The following OPCML variants were observed in gnomAD, a reference collection of about 807,000 sequenced individuals.
OPCML encodes opioid binding protein/cell adhesion molecule like.
A neutral mutation model predicts 37.8 loss-of-function variants in OPCML; 13 were observed. The ratio of observed to expected loss-of-function variants is 0.34; its 90% CI spans 0.22 to 0.55. OPCML has a LOEUF of 0.55. OPCML is among the 20% of genes least tolerant of loss of function. OPCML has a pLI of 0.91. For missense variants in OPCML, 341 were observed against 435.6 expected (o/e 0.78, Z 1.93); for synonymous variants, 176 against 168.8 (o/e 1.04, Z -0.33).
At chr11:133,105,278 TA>T (rs1276024157) in intron 1 of OPCML, among the ~76,000 whole-genome samples, 2 of 152,206 alleles carry the variant, frequency 1.3e-5, no homozygotes, top group Admixed American at 1.3e-4. Flanking sequence ...TCAAGGCAGA[TA>T]AAGTCTTATT....
chr11:132,542,644 C>T (rs987262989), intron 3 of OPCML, among the ~76,000 whole-genome samples: 2 of 152,184 alleles, frequency 1.3e-5, no homozygotes, highest in Non-Finnish European at 2.9e-5. Flanking sequence ...TCACCCCCCA[C>T]ACCCAGAGCT....
At chr11:133,351,996 GC>G (rs1944150248) in intron 1 of OPCML, among the ~76,000 whole-genome samples, 1 of 151,966 alleles carries the variant, frequency 6.6e-6, no homozygotes, top group African/African-American at 2.4e-5. Flanking sequence ...TTTCATTGCT[GC>G]CCCCACAGGT....
intron 1 of OPCML, among the ~76,000 whole-genome samples, chr11:133,304,605 T>C (rs1942865037): frequency 6.6e-6 from 1 of 152,170 alleles, no homozygotes; most frequent in Non-Finnish European, 1.5e-5. Context: ...CACGAGCCCC[T>C]GCTCCCATAC....
intron 3 of OPCML, among the ~76,000 whole-genome samples, chr11:132,609,797 C>A (rs1324650829): frequency 2.0e-5 from 3 of 152,212 alleles, no homozygotes; most frequent in Admixed American, 6.5e-5. Flanking sequence ...ATTTCACCTA[C>A]CTACCTCTCT....
chr11:132,660,454 A>T (rs773551301), intron 2 of OPCML, among the ~76,000 whole-genome samples: 2 of 152,212 alleles, frequency 1.3e-5, no homozygotes, highest in Non-Finnish European at 2.9e-5. Context: ...GGGGTTTATA[A>T]CATGGCATCA....
At chr11:133,372,790 G>A (rs1465530671) in intron 1 of OPCML, among the ~76,000 whole-genome samples, 1 of 152,162 alleles carries the variant, frequency 6.6e-6, no homozygotes, top group Non-Finnish European at 1.5e-5. Context: ...GTAGCAAGGA[G>A]CCCTTCTGAC....
rs182425062 is a variant in OPCML, at chr11:132,537,021, C to T, written c.380-7835G>A. Among the ~76,000 whole-genome samples the T allele has an allele frequency of 9.9e-3, 1,500 of 152,282 alleles. 10 individuals carry two copies. Among genetic ancestry groups the T allele is most frequent in the Non-Finnish European group, 0.014 (940 of 68,028 alleles). On this transcript the variant is annotated intron_variant, in intron 3 of 7. Coordinates refer to ENST00000524381, the MANE Select transcript of OPCML (RefSeq NM_001012393.5). ...TGTAAATCCCCAGGTCTGTTCTGGT[C>T]TAAAACCCTGGGAGCCGATGGTCTT...
intron 3 of OPCML, among the ~76,000 whole-genome samples, chr11:132,532,580 T>C (rs1312722125): frequency 6.6e-6 from 1 of 152,116 alleles, no homozygotes; most frequent in Non-Finnish European, 1.5e-5. Context: ...TGAGAGCTCA[T>C]CTCACTGCAT....
At chr11:133,191,062 GA>G (rs1262013781) in intron 1 of OPCML, among the ~76,000 whole-genome samples, 1 of 151,962 alleles carries the variant, frequency 6.6e-6, no homozygotes, top group Non-Finnish European at 1.5e-5. Context: ...GGAACTGACA[GA>G]CTTTTTTTGA....
chr11:132,778,126 C>T (rs80131013), intron 2 of OPCML, among the ~76,000 whole-genome samples: 2,689 of 152,302 alleles, frequency 0.018, 32 homozygotes, highest in Middle Eastern at 0.044. Flanking sequence ...ATTAGATAAA[C>T]GAGGGAGCAA....
intron 3 of OPCML, among the ~76,000 whole-genome samples, chr11:132,568,093 A>C (rs2096428616): frequency 6.6e-6 from 1 of 152,060 alleles, no homozygotes; most frequent in Admixed American, 6.6e-5. Context: ...GTGAAAAAAA[A>C]AACTTTCCTA....
chr11:132,649,521 G>A (rs1941322830), intron 3 of OPCML, among the ~76,000 whole-genome samples: 1 of 152,128 alleles, frequency 6.6e-6, no homozygotes, highest in South Asian at 2.1e-4. Context: ...GCAGAAGGTG[G>A]TGTGGGGACA....
chr11:132,671,892 G>T (rs1942491972), intron 2 of OPCML, among the ~76,000 whole-genome samples: 1 of 152,122 alleles, frequency 6.6e-6, no homozygotes, highest in Non-Finnish European at 1.5e-5. Flanking sequence ...TGCATATGTA[G>T]AAAATGTATA....
chr11:132,899,598 A>C (rs1943975438), intron 2 of OPCML, among the ~76,000 whole-genome samples: 1 of 152,132 alleles, frequency 6.6e-6, no homozygotes, highest in Non-Finnish European at 1.5e-5. Context: ...CAAGTTGACA[A>C]AGGTGGACCT....
chr11:133,071,837 C>T (rs2137011137), intron 1 of OPCML, among the ~76,000 whole-genome samples: 1 of 152,296 alleles, frequency 6.6e-6, no homozygotes, highest in Non-Finnish European at 1.5e-5. Context: ...TCATGGGCCT[C>T]CTGTGTTTTA....
At chr11:132,858,008 G>T (rs879582225) in intron 2 of OPCML, among the ~76,000 whole-genome samples, 8 of 152,124 alleles carry the variant, frequency 5.3e-5, no homozygotes, top group Non-Finnish European at 1.2e-4. Context: ...GAAGCCGGTG[G>T]GTTATGTGAA....
intron 1 of OPCML, among the ~76,000 whole-genome samples, chr11:133,188,597 A>G (rs1246515540): frequency 6.6e-6 from 1 of 152,212 alleles, no homozygotes; most frequent in African/African-American, 2.4e-5. Flanking sequence ...TGCAGGAGAA[A>G]AAACCCACAA....
chr11:132,677,812 CA>C (rs1942774611), intron 2 of OPCML, among the ~76,000 whole-genome samples: 1 of 151,984 alleles, frequency 6.6e-6, no homozygotes, highest in Non-Finnish European at 1.5e-5. Context: ...TGGATAAAAA[CA>C]GGAGAAAATC....
chr11:132,588,214 C>G (rs919761119), intron 3 of OPCML, among the ~76,000 whole-genome samples: 3 of 152,090 alleles, frequency 2.0e-5, no homozygotes, highest in African/African-American at 7.2e-5. Flanking sequence ...CTGGTGGTTC[C>G]CTGGGGCAGC....
Sources: gnomAD v4.1 joint callset for allele counts (sites outside exome capture counted in the v4.1 genomes callset) on GRCh38, gnomAD v4.1.1 for gene constraint, MANE v1.5 for transcripts, NCBI Gene and HGNC (gene_info 2026-07-23, HGNC 2026-07-21) for gene names.